Variants in ATP10B observed in about 807,000 individuals in gnomAD.
The protein encoded by ATP10B is ATPase phospholipid transporting 10B (putative).
ATP10B carries 122 observed loss-of-function variants against 141.2 expected under a neutral mutation model. The ratio of observed to expected loss-of-function variants is 0.86; its 90% CI spans 0.75 to 1.00. The LOEUF (loss-of-function observed/expected upper bound fraction) is 1.00, where lower values mean the gene tolerates loss of function less well. Among genes scored for constraint, ATP10B ranks in the 50% least tolerant of loss-of-function variants. ATP10B has a pLI of 0.00. For missense variants in ATP10B, 1,876 were observed against 1,825.3 expected, an observed-to-expected ratio of 1.03 and a Z score of -0.51; for synonymous variants, 685 against 692.0, an observed-to-expected ratio of 0.99 and a Z score of 0.16.
chr5:160,613,039 G>A, intron 17 of ATP10B, 114 bp from the exon 18 acceptor site: 1 of 1,019,392 alleles, frequency 9.8e-7, no homozygotes, highest in Non-Finnish European at 1.4e-6. Flanking sequence ...ACTGTGCTAG[G>A]CTGTGTACCC....
intron 1 of ATP10B, among the ~76,000 whole-genome samples, chr5:160,828,739 T>C (rs912741908): frequency 3.9e-5 from 6 of 151,924 alleles, no homozygotes; most frequent in Non-Finnish European, 5.9e-5. Flanking sequence ...ATCATGCTGC[T>C]ATAAAGACAC....
At chr5:160,675,864 C>A (rs1274036246) in intron 6 of ATP10B, among the ~76,000 whole-genome samples, 4 of 71,204 alleles carry the variant, frequency 5.6e-5, no homozygotes, top group East Asian at 4.0e-4. Context: ...GCCAGAGAAG[C>A]AGGGGGGTGG....
At chr5:160,871,590 G>T in the ATP10B span, among the ~76,000 whole-genome samples, 1 of 152,060 alleles carries the variant, frequency 6.6e-6, no homozygotes. Context: ...TCATAGTTTA[G>T]CTCCCACATA....
At position 160,565,193 on chromosome 5, in the gene ATP10B, G is replaced by A. The variant is rs1379337234; in HGVS notation, c.*260C>T. On this transcript the variant is annotated 3_prime_UTR_variant, in exon 26 of 26. Coordinates refer to ENST00000327245, the MANE Select transcript of ATP10B (RefSeq NM_025153.3). Reference sequence around the variant, plus strand: ...TTGGTCTAAACCGATTTGAGAACTCGATTCAACAAAAACAGCCTCCTTCTC... The same window carrying A: ...TTGGTCTAAACCGATTTGAGAACTCAATTCAACAAAAACAGCCTCCTTCTC... The A allele has an allele frequency of 8.0e-6, 4 of 498,282 alleles. No individual in the cohort carries two copies. The highest frequency in any genetic ancestry group is 2.6e-5 in the South Asian group (1 of 38,000). The allele number at this position is 498,282 out of a possible 1,614,324, so 30.9% of individuals were successfully genotyped here.
In ATP10B at chr5:160,568,505, C is replaced by T. The variant is rs183353185; in HGVS notation, c.3938+991G>A. Among the ~76,000 whole-genome samples, 281 of 152,232 alleles carry T rather than the reference C, an allele frequency of 1.8e-3. 1 individual carries two copies. The highest frequency in any genetic ancestry group is 8.7e-3 in the South Asian group (42 of 4,812). On this transcript the variant is annotated intron_variant, in intron 25 of 25. Transcript: ENST00000327245. The stretch of plus-strand genomic sequence containing the variant: ...AAAATGGCTTGATTGCGATGTTCAG[C>T]GTGGTGAGATGGAGAGAGGCTAAGT...
At chr5:160,672,059 C>A (rs2058376142) in intron 6 of ATP10B, among the ~76,000 whole-genome samples, 1 of 137,770 alleles carries the variant, frequency 7.3e-6, no homozygotes, top group Non-Finnish European at 1.5e-5. Flanking sequence ...TCACTGCAAC[C>A]TCTGTCTCCC....
At chr5:160,915,783 A>G in the ATP10B span, among the ~76,000 whole-genome samples, 3 of 152,150 alleles carry the variant, frequency 2.0e-5, no homozygotes, top group Non-Finnish European at 4.4e-5. Flanking sequence ...ATGGTGGGCA[A>G]AGAGGCAAAA....
At chr5:160,843,015 G>A (rs1775902229) in intron 1 of ATP10B, among the ~76,000 whole-genome samples, 1 of 152,040 alleles carries the variant, frequency 6.6e-6, no homozygotes, top group African/African-American at 2.4e-5. Flanking sequence ...AAATCCAAAA[G>A]TATATTATAG....
intron 1 of ATP10B, among the ~76,000 whole-genome samples, chr5:160,823,139 A>G (rs1774309844): frequency 1.3e-5 from 2 of 150,894 alleles, no homozygotes; most frequent in Admixed American, 1.3e-4. Flanking sequence ...TGCCTATATC[A>G]AAATATTTCA....
rs752296384 is a variant in ATP10B at position 160,644,139 on chromosome 5, T to C, written c.867A>G (p.Ala289=). 12 of 1,612,288 alleles carry C rather than the reference T, an allele frequency of 7.4e-6. No homozygotes were observed. The highest frequency in any genetic ancestry group is 9.3e-6 in the Non-Finnish European group (11 of 1,178,550). Residue 289 remains alanine (A), a splice_region_variant and synonymous_variant, in exon 9 of 26, where the codon GCA becomes GCG. Transcript: ENST00000327245. The part of the protein sequence containing the change: ...TEMAVGIVIY[A]GHETKAMLNN... Reference sequence around the variant, plus strand: ...AAAAGAAACTACCCAGACAATGACCTGCATAGATGACAATGCCAACAGCCA... The same window carrying C: ...AAAAGAAACTACCCAGACAATGACCCGCATAGATGACAATGCCAACAGCCA...
the ATP10B span, among the ~76,000 whole-genome samples, chr5:160,896,788 C>T: frequency 2.0e-5 from 3 of 152,116 alleles, no homozygotes; most frequent in Non-Finnish European, 2.9e-5. Flanking sequence ...ATGTGAAAAT[C>T]CTCAATAAAA....
intron 3 of ATP10B, among the ~76,000 whole-genome samples, chr5:160,707,187 G>T (rs1279353250): frequency 6.6e-6 from 1 of 152,158 alleles, no homozygotes; most frequent in Non-Finnish European, 1.5e-5. Context: ...CTGACCTCAG[G>T]TGATCTGCCC....
At chr5:160,736,937 C>T (rs1767160697) in intron 2 of ATP10B, among the ~76,000 whole-genome samples, 1 of 152,116 alleles carries the variant, frequency 6.6e-6, no homozygotes, top group Admixed American at 6.6e-5. Flanking sequence ...ATACAAAAAC[C>T]AGACAAAGAC....
At chr5:160,618,034 C>T (rs1381627987) in intron 15 of ATP10B, 61 bp from the exon 16 acceptor site, 3 of 1,305,904 alleles carry the variant, frequency 2.3e-6, no homozygotes, top group Non-Finnish European at 2.2e-6. Flanking sequence ...TCCCCATCCC[C>T]AATACCCTGG....
intron 2 of ATP10B, among the ~76,000 whole-genome samples, chr5:160,735,586 C>A (rs1581437126): frequency 1.3e-5 from 2 of 152,144 alleles, no homozygotes; most frequent in South Asian, 4.2e-4. Context: ...TTGGACAGAT[C>A]TTCCAGACAG....
intron 1 of ATP10B, among the ~76,000 whole-genome samples, chr5:160,815,578 C>A (rs1221085322): frequency 6.6e-6 from 1 of 152,124 alleles, no homozygotes; most frequent in South Asian, 2.1e-4. Context: ...GAGACTAACA[C>A]CCCACTGACA....
intron 2 of ATP10B, among the ~76,000 whole-genome samples, chr5:160,782,164 C>T (rs1458162195): frequency 2.6e-5 from 4 of 152,070 alleles, no homozygotes; most frequent in African/African-American, 9.7e-5. Flanking sequence ...CACTCTTTCA[C>T]CAAAAAATGT....
intron 24 of ATP10B, among the ~76,000 whole-genome samples, chr5:160,585,141 G>A (rs1009798660): frequency 1.3e-5 from 2 of 152,170 alleles, no homozygotes; most frequent in African/African-American, 2.4e-5. Context: ...GAAGCCATTT[G>A]TTCTAGCCAC....
chr5:160,627,567 A>G (rs1219603739), intron 13 of ATP10B, among the ~76,000 whole-genome samples: 1 of 152,154 alleles, frequency 6.6e-6, no homozygotes, highest in African/African-American at 2.4e-5. Flanking sequence ...CAACCAGAAT[A>G]AAAAAATGCA....
Sources: allele counts gnomAD v4.1 joint callset (sites outside exome capture counted in the v4.1 genomes callset), GRCh38; gene constraint gnomAD v4.1.1; transcripts MANE v1.5; gene names NCBI Gene and HGNC (gene_info 2026-07-23, HGNC 2026-07-21).